The following QKI variants were observed in gnomAD, a reference collection of about 807,000 sequenced individuals.
QKI encodes QKI, KH domain containing RNA binding, also known as KH domain-containing RNA-binding protein QKI.
In QKI, 10 loss-of-function variants were observed where a neutral mutation model predicts 39.0. That is an observed-to-expected ratio of 0.26 (90% CI 0.16 to 0.43). QKI has a LOEUF of 0.43. QKI is among the 20% of genes least tolerant of loss of function. The pLI, the probability that QKI is intolerant of heterozygous loss-of-function variation, is 1.00. For synonymous variants in QKI, 204 were observed against 155.4 expected (o/e 1.31, Z -2.33); for missense variants, 218 against 428.0 (o/e 0.51, Z 4.33).
intron 1 of QKI, among the ~76,000 whole-genome samples, chr6:163,447,601 T>C (rs1410616802): frequency 1.3e-5 from 2 of 152,220 alleles, no homozygotes. Flanking sequence ...ATTGAGGACA[T>C]AACGATATTT....
At chr6:163,543,982 T>C (rs191294792) in intron 4 of QKI, among the ~76,000 whole-genome samples, 162 of 152,204 alleles carry the variant, frequency 1.1e-3, no homozygotes, top group Non-Finnish European at 9.7e-4. Flanking sequence ...ATGTAATAAA[T>C]ACATATTTTT....
chr6:163,542,446 T>C (rs1781591251), intron 4 of QKI, among the ~76,000 whole-genome samples: 1 of 152,036 alleles, frequency 6.6e-6, no homozygotes, highest in African/African-American at 2.4e-5. Context: ...TGAGGGATCC[T>C]GTATCTTGTT....
Position 163,570,943 on chromosome 6 carries a change from C to A in QKI, c.*233C>A. On this transcript the variant is annotated 3_prime_UTR_variant, in exon 8 of 8. Transcript: ENST00000361752. ...TGGGTGAAAGTGGTTCTAGAAACTG[C>A]ACTGAATAGTAGTAAAGCAATAAGG... 1.9e-6 allele frequency: 1 copy of A among 517,774 alleles called. No homozygotes were observed. The highest frequency in any genetic ancestry group is 4.4e-4 in the Middle Eastern group (1 of 2,280). The allele number at this position is 517,774 out of a possible 1,614,324, so 32.1% of individuals were successfully genotyped here. A position where few individuals can be genotyped will look rare whatever the true frequency, so the allele number is the denominator to read the frequency against.
chr6:163,569,036 G>A, intron 7 of QKI: 2 of 976,156 alleles, frequency 2.0e-6, no homozygotes, highest in South Asian at 9.5e-5. Flanking sequence ...TACATAATTT[G>A]TATAAGAAAC....
chr6:163,415,110 C>T lies in QKI; in HGVS notation c.-84C>T. The T allele has an allele frequency of 1.9e-6, 2 of 1,059,438 alleles. No individual in the cohort carries two copies. Among genetic ancestry groups the T allele is most frequent in the Non-Finnish European group, 2.3e-6 (2 of 875,664 alleles). 65.6% of individuals were successfully genotyped at this position (1,059,438 alleles called of 1,614,324 possible). The stretch of plus-strand genomic sequence containing the variant: ...GGGACGCCGGGTCCCGAGCGGCCCG[C>T]GGCCGGGGCTCGCCCCCGCCCCTCC... On this transcript the variant is annotated 5_prime_UTR_variant, in exon 1 of 8. Coordinates refer to ENST00000361752, the MANE Select transcript of QKI (RefSeq NM_006775.3).
chr6:163,535,038 A>G lies in QKI; in HGVS notation c.459A>G (p.Val153=), dbSNP rs746463362. The change falls in exon 4 of 8, where the codon GTA becomes GTG. Residue 153 remains valine, a synonymous_variant. Coordinates refer to ENST00000361752, the MANE Select transcript of QKI (RefSeq NM_006775.3). ...NWEHLNEDLH[V]LITVEDAQNR... Reference sequence around the variant, plus strand: ...AGCATCTAAATGAAGATTTACATGTACTAATCACTGTGGAAGATGCTCAGA... The same window carrying G: ...AGCATCTAAATGAAGATTTACATGTGCTAATCACTGTGGAAGATGCTCAGA... 5 of 1,612,398 alleles carry G rather than the reference A, an allele frequency of 3.1e-6. No homozygotes were observed. Among genetic ancestry groups the G allele is most frequent in the East Asian group, 2.2e-5 (1 of 44,818 alleles).
chr6:163,546,076 C>G (rs773583141), intron 4 of QKI, among the ~76,000 whole-genome samples: 3 of 148,770 alleles, frequency 2.0e-5, no homozygotes, highest in Non-Finnish European at 4.5e-5. Flanking sequence ...CCATAAACTT[C>G]TCATTGGTTG....
chr6:163,415,474 C>A, intron 1 of QKI, 139 bp downstream of exon 1: 1 of 783,744 alleles, frequency 1.3e-6, no homozygotes, highest in Non-Finnish European at 1.7e-6. Flanking sequence ...CAGGAGGGCG[C>A]ACAAAGGAGG....
chr6:163,486,523 T>C (rs1284580362), intron 3 of QKI, among the ~76,000 whole-genome samples: 1 of 152,218 alleles, frequency 6.6e-6, no homozygotes, highest in East Asian at 1.9e-4. Flanking sequence ...GTGATGCTTT[T>C]CATATACATT....
At chr6:163,473,295 G>GT (rs1225701328) in intron 2 of QKI, among the ~76,000 whole-genome samples, 1 of 152,104 alleles carries the variant, frequency 6.6e-6, no homozygotes, top group African/African-American at 2.4e-5. Context: ...GTAGAACCAC[G>GT]TAAGACTAAC....
At chr6:163,485,977 G>A (rs552489098) in intron 3 of QKI, among the ~76,000 whole-genome samples, 1 of 152,364 alleles carries the variant, frequency 6.6e-6, no homozygotes, top group Non-Finnish European at 1.5e-5. Context: ...GAAAGTTTAT[G>A]AATTTGTGTG....
At chr6:163,488,622 C>T (rs1357614741) in intron 3 of QKI, among the ~76,000 whole-genome samples, 2 of 152,104 alleles carry the variant, frequency 1.3e-5, no homozygotes, top group South Asian at 2.1e-4. Flanking sequence ...ACCAGTGATA[C>T]AGTTGGTGAC....
At chr6:163,437,203 A>G (rs976937776) in intron 1 of QKI, among the ~76,000 whole-genome samples, 6 of 152,178 alleles carry the variant, frequency 3.9e-5, no homozygotes, top group African/African-American at 1.2e-4. Context: ...TTCAGATGAA[A>G]ATTAAAATTT....
intron 4 of QKI, among the ~76,000 whole-genome samples, chr6:163,554,179 C>T (rs762674896): frequency 3.9e-5 from 6 of 152,108 alleles, no homozygotes; most frequent in Admixed American, 6.5e-5. Context: ...AGGGGCTGCA[C>T]GATGAGACTG....
chr6:163,417,845 T>G (rs1200800645), intron 1 of QKI, among the ~76,000 whole-genome samples: 1 of 152,192 alleles, frequency 6.6e-6, no homozygotes, highest in Admixed American at 6.5e-5. Context: ...TTTGATTGTT[T>G]TTTATCAGAC....
intron 4 of QKI, among the ~76,000 whole-genome samples, chr6:163,544,331 A>G (rs2128244179): frequency 6.6e-6 from 1 of 152,174 alleles, no homozygotes; most frequent in South Asian, 2.1e-4. Context: ...ATTTTATATC[A>G]TGGACTTGAG....
chr6:163,569,103 A>T, intron 7 of QKI: 1 of 941,592 alleles, frequency 1.1e-6, no homozygotes, highest in Non-Finnish European at 1.3e-6. Context: ...AAGATTCTAT[A>T]TTTTGGAATA....
At chr6:163,499,487 T>C (rs1345940142) in intron 3 of QKI, among the ~76,000 whole-genome samples, 6 of 152,244 alleles carry the variant, frequency 3.9e-5, no homozygotes, top group Non-Finnish European at 7.3e-5. Context: ...TAGGACACTT[T>C]GTGACATTAA....
At chr6:163,479,150 G>C (rs532466118) in intron 3 of QKI, among the ~76,000 whole-genome samples, 1 of 151,828 alleles carries the variant, frequency 6.6e-6, no homozygotes, top group Non-Finnish European at 1.5e-5. Context: ...TTAGCTGGGC[G>C]TGGTGGCGGG....
Sources: gnomAD v4.1 joint callset for allele counts (sites outside exome capture counted in the v4.1 genomes callset) on GRCh38, gnomAD v4.1.1 for gene constraint, MANE v1.5 for transcripts, NCBI Gene and HGNC (gene_info 2026-07-23, HGNC 2026-07-21) for gene names.